Variants in OSBPL10 observed in about 807,000 individuals in gnomAD.
OSBPL10 encodes oxysterol binding protein like 10, also known as oxysterol-binding protein-related protein 10.
Under a neutral mutation model 81.7 loss-of-function variants are expected in OSBPL10, and 49 were observed. That is an observed-to-expected ratio of 0.60 (90% CI 0.48 to 0.76). The LOEUF is 0.76. Ranked by LOEUF, OSBPL10 falls within the 30% of genes least tolerant of loss-of-function variation. The pLI is 0.00. For missense variants in OSBPL10, 923 were observed against 987.8 expected, an observed-to-expected ratio of 0.93 and a Z score of 0.88; for synonymous variants, 419 against 383.6, an observed-to-expected ratio of 1.09 and a Z score of -1.08.
At chr3:31,776,042 G>C (rs995182793) in intron 4 of OSBPL10, among the ~76,000 whole-genome samples, 3 of 152,128 alleles carry the variant, frequency 2.0e-5, no homozygotes, top group African/African-American at 7.2e-5. Flanking sequence ...AGGGTGCAAT[G>C]ATCTGGGAAT....
At chr3:31,669,228 C>T (rs1042168956) in intron 9 of OSBPL10, among the ~76,000 whole-genome samples, 6 of 151,910 alleles carry the variant, frequency 3.9e-5, no homozygotes, top group Non-Finnish European at 2.9e-5. Context: ...TCACAAATCA[C>T]GACTAAAGAA....
At chr3:31,662,232 G>T (rs1413824581) in intron 11 of OSBPL10, 116 bp from the exon 12 acceptor site, 7 of 1,546,462 alleles carry the variant, frequency 4.5e-6, no homozygotes, top group African/African-American at 2.7e-5. Flanking sequence ...CTCACACGCA[G>T]GCCAGGCTGC....
intron 6 of OSBPL10, among the ~76,000 whole-genome samples, chr3:31,728,409 C>G (rs753185929): frequency 6.6e-6 from 1 of 152,202 alleles, no homozygotes; most frequent in Non-Finnish European, 1.5e-5. Context: ...GGGTAGGTAT[C>G]TGGCACCAGA....
chr3:31,930,571 C>T (rs1426816812), intron 1 of OSBPL10, among the ~76,000 whole-genome samples: 1 of 152,126 alleles, frequency 6.6e-6, no homozygotes, highest in Admixed American at 6.5e-5. Flanking sequence ...ACATGAGCAT[C>T]CATAGCAGAA....
intron 4 of OSBPL10, among the ~76,000 whole-genome samples, chr3:31,798,044 T>C (rs1326298382): frequency 1.3e-5 from 2 of 152,184 alleles, no homozygotes; most frequent in Non-Finnish European, 2.9e-5. Flanking sequence ...TTTCTACTAA[T>C]AGACTATCCA....
At chr3:31,930,220 A>G (rs1697203435) in intron 1 of OSBPL10, among the ~76,000 whole-genome samples, 1 of 152,106 alleles carries the variant, frequency 6.6e-6, no homozygotes, top group East Asian at 1.9e-4. Flanking sequence ...ACATATACAT[A>G]TATGGCCCCT....
intron 7 of OSBPL10, among the ~76,000 whole-genome samples, chr3:31,699,532 G>A (rs191758410): frequency 8.5e-5 from 13 of 152,340 alleles, no homozygotes; most frequent in Admixed American, 2.0e-4. Context: ...TGCTTCTAGA[G>A]GCAGGACCAG....
At chr3:31,730,080 C>T (rs546920361) in intron 6 of OSBPL10, among the ~76,000 whole-genome samples, 8 of 152,276 alleles carry the variant, frequency 5.3e-5, no homozygotes, top group Non-Finnish European at 7.3e-5. Flanking sequence ...CGGTGGCTCA[C>T]GCCTGTAATC....
At chr3:31,699,717 T>C (rs1016929769) in intron 7 of OSBPL10, among the ~76,000 whole-genome samples, 1 of 152,240 alleles carries the variant, frequency 6.6e-6, no homozygotes, top group Non-Finnish European at 1.5e-5. Context: ...CCCTGTCTGG[T>C]AACCACAGTG....
At chr3:31,878,328 G>T (rs1241079423) in intron 2 of OSBPL10, among the ~76,000 whole-genome samples, 2 of 152,126 alleles carry the variant, frequency 1.3e-5, no homozygotes, top group Admixed American at 6.5e-5. Context: ...GTCTGCTATT[G>T]TTTCTGCACT....
At chr3:31,764,811 G>A (rs1339087241) in intron 4 of OSBPL10, among the ~76,000 whole-genome samples, 1 of 152,078 alleles carries the variant, frequency 6.6e-6, no homozygotes, top group Non-Finnish European at 1.5e-5. Flanking sequence ...CTATATGATC[G>A]TGGGATAAAG....
At chr3:31,925,149 C>G (rs1464261854) in intron 1 of OSBPL10, among the ~76,000 whole-genome samples, 3 of 152,140 alleles carry the variant, frequency 2.0e-5, no homozygotes, top group African/African-American at 7.2e-5. Context: ...GAGCAGCATT[C>G]AACATATAGA....
intron 4 of OSBPL10, among the ~76,000 whole-genome samples, chr3:31,751,301 C>A (rs1022800125): frequency 6.6e-6 from 1 of 152,000 alleles, no homozygotes; most frequent in Non-Finnish European, 1.5e-5. Context: ...GATCTGTGAC[C>A]ACACCGCTAC....
intron 4 of OSBPL10, among the ~76,000 whole-genome samples, chr3:31,824,856 T>A (rs1401837433): frequency 6.6e-6 from 1 of 152,204 alleles, no homozygotes; most frequent in African/African-American, 2.4e-5. Context: ...TGCATCACCA[T>A]CATAGATCTT....
At chr3:31,733,605 A>AAGATC (rs1697043949) in intron 5 of OSBPL10, among the ~76,000 whole-genome samples, 194 bp from the exon 6 acceptor site, 1 of 152,018 alleles carries the variant, frequency 6.6e-6, no homozygotes, top group Admixed American at 6.6e-5. Flanking sequence ...GTATAATATC[A>AAGATC]AGATCAGAAT....
chr3:31,671,947 T>C (rs12629069), intron 8 of OSBPL10, among the ~76,000 whole-genome samples: 6,490 of 152,142 alleles, frequency 0.043, 363 homozygotes, highest in East Asian at 0.31. Context: ...TCCCATCCAA[T>C]ACTTTGGCAC....
intron 7 of OSBPL10, among the ~76,000 whole-genome samples, chr3:31,689,819 C>A (rs1247513846): frequency 6.6e-6 from 1 of 152,114 alleles, no homozygotes; most frequent in Non-Finnish European, 1.5e-5. Flanking sequence ...AACTATAAGT[C>A]CGTTAAACCT....
chr3:31,783,111 T>TTATATATA lies in OSBPL10; in HGVS notation c.730-34999_730-34992dup, dbSNP rs56846176. ...GGATATATCTATATCAATATATCTA[T>TTATATATA]TATATATATATATATATATATATAT... On this transcript the variant is annotated intron_variant, in intron 4 of 11. Coordinates refer to ENST00000396556, the MANE Select transcript of OSBPL10 (RefSeq NM_017784.5). Among the ~76,000 whole-genome samples the TTATATATA allele has an allele frequency of 8.7e-3, 1,058 of 121,150 alleles. 8 individuals are homozygous for TTATATATA. Among genetic ancestry groups the TTATATATA allele is most frequent in the Non-Finnish European group, 0.01 (619 of 60,314 alleles). The allele number at this position is 121,150 out of a possible 152,430, so 79.5% of individuals were successfully genotyped here.
intron 6 of OSBPL10, among the ~76,000 whole-genome samples, chr3:31,713,209 C>G (rs897320600): frequency 6.6e-6 from 1 of 152,100 alleles, no homozygotes; most frequent in South Asian, 2.1e-4. Context: ...GTTGCCCCCA[C>G]GACTTCTCTA....
Sources: gnomAD v4.1 joint callset for allele counts (sites outside exome capture counted in the v4.1 genomes callset) on GRCh38, gnomAD v4.1.1 for gene constraint, MANE v1.5 for transcripts, NCBI Gene and HGNC (gene_info 2026-07-23, HGNC 2026-07-21) for gene names.